LPP: variants seen among roughly 807,000 people sequenced by gnomAD.
LPP encodes the protein lipoma-preferred partner.
A neutral mutation model predicts 60.4 loss-of-function variants in LPP; 38 were observed. The ratio of observed to expected loss-of-function variants is 0.63; its 90% CI spans 0.49 to 0.83. The LOEUF (loss-of-function observed/expected upper bound fraction) is 0.83. Ranked by LOEUF, LPP falls within the 40% of genes least tolerant of loss-of-function variation. The pLI is 0.00. For missense variants in LPP, 902 were observed against 783.6 expected (o/e 1.15, Z -1.80); for synonymous variants, 328 against 290.8 (o/e 1.13, Z -1.30).
At chr3:188,718,687 G>A (rs922315668) in intron 8 of LPP, among the ~76,000 whole-genome samples, 6 of 152,102 alleles carry the variant, frequency 3.9e-5, no homozygotes, top group Non-Finnish European at 5.9e-5. Flanking sequence ...CTGGCACATC[G>A]GAGATATTTA....
At chr3:188,304,801 A>G (rs1750995158) in intron 2 of LPP, among the ~76,000 whole-genome samples, 1 of 152,230 alleles carries the variant, frequency 6.6e-6, no homozygotes, top group South Asian at 2.1e-4. Flanking sequence ...TGAAATACAA[A>G]GATAATTTCT....
At chr3:188,673,055 G>A (rs114479334) in intron 7 of LPP, among the ~76,000 whole-genome samples, 1 of 151,652 alleles carries the variant, frequency 6.6e-6, no homozygotes, top group African/African-American at 2.4e-5. Context: ...GTGCAACATG[G>A]TCTGTCTGTT....
chr3:188,372,720 A>G (rs1773652846), intron 3 of LPP, among the ~76,000 whole-genome samples: 1 of 149,542 alleles, frequency 6.7e-6, no homozygotes, highest in African/African-American at 2.5e-5. Context: ...TTTTATTATT[A>G]TTATACTTTA....
At chr3:188,392,140 A>G (rs1354949580) in intron 3 of LPP, among the ~76,000 whole-genome samples, 1 of 152,240 alleles carries the variant, frequency 6.6e-6, no homozygotes. Context: ...AGTTGGAACC[A>G]GAGTAACAAT....
intron 3 of LPP, among the ~76,000 whole-genome samples, chr3:188,368,583 C>T (rs1771909164): frequency 6.6e-6 from 1 of 151,510 alleles, no homozygotes; most frequent in Non-Finnish European, 1.5e-5. Flanking sequence ...CTGTCATTTA[C>T]CTGTTCAATG....
intron 8 of LPP, among the ~76,000 whole-genome samples, chr3:188,738,960 C>G (rs559429479): frequency 6.6e-6 from 1 of 152,172 alleles, no homozygotes; most frequent in South Asian, 2.1e-4. Flanking sequence ...AATTTGAAGT[C>G]TTTCTAATAT....
Position 188,631,978 on chromosome 3 carries a change from A to G in LPP, c.1113+22134A>G, listed in dbSNP as rs528787529. Among the ~76,000 whole-genome samples the G allele has an allele frequency of 2.6e-5, 4 of 152,310 alleles. No individual in the cohort carries two copies. In the East Asian group the frequency reaches 7.7e-4, roughly 29 times the overall value. On this transcript the variant is annotated intron_variant, in intron 7 of 11. Coordinates refer to ENST00000617246, the MANE Select transcript of LPP (RefSeq NM_001375462.1). ...AGACAGAGTAGAAGAACCATAGTGA[A>G]CATACAGCTTGGTCCCCTCCCAAGA...
At chr3:188,391,430 TAA>T (rs896233649) in intron 3 of LPP, among the ~76,000 whole-genome samples, 1 of 152,188 alleles carries the variant, frequency 6.6e-6, no homozygotes, top group African/African-American at 2.4e-5. Flanking sequence ...CTGTTGTTGA[TAA>T]AATATCATTA....
At chr3:188,398,667 T>G (rs1387009610) in intron 3 of LPP, among the ~76,000 whole-genome samples, 1 of 152,226 alleles carries the variant, frequency 6.6e-6, no homozygotes, top group Non-Finnish European at 1.5e-5. Context: ...CAACTAACAA[T>G]TGTGTGTAAT....
At position 188,877,270 on chromosome 3, in the gene LPP, G is replaced by C. The variant is rs549343766; in HGVS notation, c.*2791G>C. The stretch of plus-strand genomic sequence containing the variant: ...TTACTTTAATGATTATAATCATACT[G>C]TCTGCTGATATAATATCATAATTGT... On this transcript the variant is annotated 3_prime_UTR_variant, in exon 12 of 12. Transcript: ENST00000617246. 3 of 177,298 alleles carry C rather than the reference G, an allele frequency of 1.7e-5. No individual in the cohort carries two copies. Among genetic ancestry groups the C allele is most frequent in the South Asian group, 4.0e-4 (2 of 5,022 alleles). 11.0% of individuals were successfully genotyped at this position (177,298 alleles called of 1,614,324 possible).
chr3:188,456,631 A>G (rs1797798006), intron 4 of LPP, among the ~76,000 whole-genome samples: 2 of 152,184 alleles, frequency 1.3e-5, no homozygotes, highest in South Asian at 4.1e-4. Context: ...TCCAAGAAGG[A>G]TTGCGTTTCT....
At chr3:188,351,865 C>G (rs535238771) in intron 3 of LPP, among the ~76,000 whole-genome samples, 2 of 152,062 alleles carry the variant, frequency 1.3e-5, no homozygotes, top group African/African-American at 4.8e-5. Flanking sequence ...TGTGGTCACC[C>G]GAGTGTACCA....
At chr3:188,749,377 G>C (rs2150297737) in intron 8 of LPP, among the ~76,000 whole-genome samples, 1 of 152,262 alleles carries the variant, frequency 6.6e-6, no homozygotes, top group South Asian at 2.1e-4. Context: ...TTGTTATAGA[G>C]TCTGTAAATG....
At chr3:188,351,390 C>T (rs1335574409) in intron 3 of LPP, among the ~76,000 whole-genome samples, 2 of 152,112 alleles carry the variant, frequency 1.3e-5, no homozygotes, top group African/African-American at 4.8e-5. Context: ...CAAATCGTGC[C>T]CACATCTCAC....
At position 188,395,833 on chromosome 3, in the gene LPP, G is replaced by C. The variant is rs1780815027; in HGVS notation, c.-9-10279G>C. Among the ~76,000 whole-genome samples, 8 of 152,152 alleles carry C rather than the reference G, an allele frequency of 5.3e-5. No homozygotes were observed. The South Asian group carries it at 1.7e-3, about 32-fold the overall frequency. The stretch of plus-strand genomic sequence containing the variant: ...AGAGGCTGAGGTGGGAGAAATACTT[G>C]AGTCTAGGAGTTGCAGGCTTCAGTG... On this transcript the variant is annotated intron_variant, in intron 3 of 11. Transcript: ENST00000617246.
intron 7 of LPP, among the ~76,000 whole-genome samples, chr3:188,690,809 G>C (rs1861957132): frequency 1.3e-5 from 2 of 152,012 alleles, no homozygotes; most frequent in Non-Finnish European, 2.9e-5. Context: ...TTAGATTTTA[G>C]GGAACTCCTT....
At chr3:188,792,219 A>G (rs1743995696) in intron 9 of LPP, among the ~76,000 whole-genome samples, 3 of 152,186 alleles carry the variant, frequency 2.0e-5, no homozygotes, top group South Asian at 4.1e-4. Context: ...TTTGTGTAAC[A>G]GGGAAAGGAG....
At chr3:188,436,459 C>A (rs1354742550) in intron 4 of LPP, among the ~76,000 whole-genome samples, 3 of 152,142 alleles carry the variant, frequency 2.0e-5, no homozygotes, top group Non-Finnish European at 4.4e-5. Flanking sequence ...ATGGACAGTG[C>A]AGATATTACT....
chr3:188,157,013 C>CT (rs1716704718), intron 1 of LPP, among the ~76,000 whole-genome samples: 1 of 152,116 alleles, frequency 6.6e-6, no homozygotes, highest in Admixed American at 6.5e-5. Flanking sequence ...GTAAAACACA[C>CT]TTTTTTCACA....
Sources: allele counts gnomAD v4.1 joint callset (sites outside exome capture counted in the v4.1 genomes callset), GRCh38; gene constraint gnomAD v4.1.1; transcripts MANE v1.5; gene names NCBI Gene and HGNC (gene_info 2026-07-23, HGNC 2026-07-21).